The following PTPRZ1 variants were observed in gnomAD, a reference collection of about 807,000 sequenced individuals.
PTPRZ1 encodes the protein receptor-type tyrosine-protein phosphatase zeta.
A neutral mutation model predicts 214.1 loss-of-function variants in PTPRZ1; 82 were observed. That is an observed-to-expected ratio of 0.38 (90% CI 0.32 to 0.46). The LOEUF is 0.46. PTPRZ1 is among the 20% of genes least tolerant of loss of function. PTPRZ1 has a pLI of 1.00. For missense variants in PTPRZ1, 2,603 were observed against 2,748.7 expected (o/e 0.95, Z 1.19); for synonymous variants, 945 against 987.9 (o/e 0.96, Z 0.81).
chr7:122,027,927 G>A (rs1799251571), intron 13 of PTPRZ1, among the ~76,000 whole-genome samples: 2 of 152,074 alleles, frequency 1.3e-5, no homozygotes, highest in East Asian at 1.9e-4. Context: ...TCTCATTTAA[G>A]TTCTGTCACT....
In PTPRZ1 at chr7:122,010,523, G is replaced by C. The variant is rs1363244152; in HGVS notation, c.1477G>C (p.Gly493Arg). 3.1e-6 allele frequency: 5 copies of C among 1,613,730 alleles called. No homozygotes were observed. Among genetic ancestry groups the C allele is most frequent in the Non-Finnish European group, 4.2e-6 (5 of 1,179,822 alleles). Residue 493 changes from glycine to arginine, a missense_variant, in exon 12 of 30, where the codon GGT becomes CGT. Transcript: ENST00000393386. ...AAGAGGAAGTGAATTCTCTGGAAAG[G>C]GTGATGTTCCCAATACATCTTTAAA... The part of the protein sequence containing the change: ...PTRGSEFSGK[G>R]DVPNTSLNST...
At chr7:121,991,839 A>ATTT (rs1396290426) in intron 8 of PTPRZ1, among the ~76,000 whole-genome samples, 2 of 152,190 alleles carry the variant, frequency 1.3e-5, no homozygotes, top group Non-Finnish European at 2.9e-5. Flanking sequence ...TACATTCAGC[A>ATTT]TTTGTGTCAA....
chr7:121,917,414 AC>A (rs771205616), intron 1 of PTPRZ1, among the ~76,000 whole-genome samples: 7 of 152,162 alleles, frequency 4.6e-5, no homozygotes, highest in Non-Finnish European at 8.8e-5. Context: ...ACTAAAGAGC[AC>A]TTCAGACTAA....
At chr7:121,898,251 T>A (rs990497486) in intron 1 of PTPRZ1, among the ~76,000 whole-genome samples, 4 of 120,838 alleles carry the variant, frequency 3.3e-5, no homozygotes, top group African/African-American at 1.6e-4. Context: ...AATTGTAGAA[T>A]AATGTGATGG....
intron 1 of PTPRZ1, among the ~76,000 whole-genome samples, chr7:121,888,887 A>G (rs1008656215): frequency 6.6e-6 from 1 of 152,138 alleles, no homozygotes; most frequent in African/African-American, 2.4e-5. Context: ...TTATTACATA[A>G]TAGCTAAAAG....
chr7:121,910,041 A>C (rs981978128), intron 1 of PTPRZ1, among the ~76,000 whole-genome samples: 3 of 152,238 alleles, frequency 2.0e-5, no homozygotes, highest in Non-Finnish European at 4.4e-5. Context: ...AGAATGGAAG[A>C]GGCTGTCTTC....
At chr7:122,015,361 C>A (rs902167663) in intron 12 of PTPRZ1, among the ~76,000 whole-genome samples, 1 of 152,062 alleles carries the variant, frequency 6.6e-6, no homozygotes, top group Non-Finnish European at 1.5e-5. Flanking sequence ...TTCCTCTTTG[C>A]GATTTCATCT....
intron 15 of PTPRZ1, 110 bp from the exon 16 acceptor site, chr7:122,033,985 C>T: frequency 1.1e-6 from 1 of 919,688 alleles, no homozygotes; most frequent in South Asian, 1.5e-5. Context: ...GTATTTATTG[C>T]ATGATCATAG....
intron 23 of PTPRZ1, among the ~76,000 whole-genome samples, chr7:122,046,540 A>G (rs1257605722): frequency 6.6e-6 from 1 of 152,206 alleles, no homozygotes; most frequent in Non-Finnish European, 1.5e-5. Context: ...CGTAAGATAT[A>G]TTTAAGAGTT....
chr7:121,879,047 T>TCC (rs1794150803), intron 1 of PTPRZ1, among the ~76,000 whole-genome samples: 1 of 152,204 alleles, frequency 6.6e-6, no homozygotes, highest in South Asian at 2.1e-4. Flanking sequence ...TCACTGATTC[T>TCC]CCCAGAAATA....
In PTPRZ1 at chr7:121,972,712, G is replaced by C. The variant is rs758820771; in HGVS notation, c.456+20G>C. ...CTTGAGGTAAGTCAGGAGATCTGCTGTGTACTATTTTATTTTCTAAATAAT... is the reference window on the plus strand; with the variant it reads ...CTTGAGGTAAGTCAGGAGATCTGCTCTGTACTATTTTATTTTCTAAATAAT... On this transcript the variant is annotated intron_variant, in intron 4 of 29. Coordinates refer to ENST00000393386, the MANE Select transcript of PTPRZ1 (RefSeq NM_002851.3). The C allele has an allele frequency of 6.5e-7, 1 of 1,528,680 alleles. No homozygotes were observed. Among genetic ancestry groups the C allele is most frequent in the African/African-American group, 1.4e-5 (1 of 72,076 alleles). The allele number at this position is 1,528,680 out of a possible 1,614,324, so 94.7% of individuals were successfully genotyped here.
intron 23 of PTPRZ1, among the ~76,000 whole-genome samples, chr7:122,050,832 G>C (rs564308934): frequency 6.6e-6 from 1 of 151,950 alleles, no homozygotes. Flanking sequence ...TCATTTACCC[G>C]ACTGTCAAAA....
chr7:122,004,934 T>C (rs957854427), intron 11 of PTPRZ1, among the ~76,000 whole-genome samples: 3 of 152,044 alleles, frequency 2.0e-5, no homozygotes. Context: ...TAAAAATAAT[T>C]ATAGCTATGC....
At chr7:121,959,226 C>G (rs1796803423) in intron 2 of PTPRZ1, among the ~76,000 whole-genome samples, 1 of 152,152 alleles carries the variant, frequency 6.6e-6, no homozygotes, top group African/African-American at 2.4e-5. Flanking sequence ...AACCCCCTGC[C>G]AATAGCATAT....
chr7:121,984,284 TC>T (rs1797703969), intron 8 of PTPRZ1, among the ~76,000 whole-genome samples, 167 bp downstream of exon 8: 1 of 152,202 alleles, frequency 6.6e-6, no homozygotes, highest in Non-Finnish European at 1.5e-5. Context: ...AGATACCACA[TC>T]TATAAAATGG....
At chr7:122,030,668 G>A (rs573127928) in intron 14 of PTPRZ1, among the ~76,000 whole-genome samples, 1 of 152,000 alleles carries the variant, frequency 6.6e-6, no homozygotes, top group African/African-American at 2.4e-5. Flanking sequence ...AACATCTGTT[G>A]CTATAAATAA....
intron 11 of PTPRZ1, among the ~76,000 whole-genome samples, chr7:122,006,391 C>T (rs1317167545): frequency 1.3e-5 from 2 of 152,022 alleles, no homozygotes; most frequent in African/African-American, 4.8e-5. Context: ...CTGCCTGTCG[C>T]CCCCTCGCCA....
chr7:122,039,696 C>T, intron 20 of PTPRZ1, 108 bp downstream of exon 20: 1 of 1,377,456 alleles, frequency 7.3e-7, no homozygotes, highest in Non-Finnish European at 9.8e-7. Context: ...TAACTAAAGG[C>T]ATTAAAAATT....
chr7:121,889,220 A>G (rs1305551406), intron 1 of PTPRZ1, among the ~76,000 whole-genome samples: 2 of 152,170 alleles, frequency 1.3e-5, no homozygotes, highest in African/African-American at 4.8e-5. Flanking sequence ...TGGAGACGGT[A>G]TTAGTCATAA....
Sources: gnomAD v4.1 joint callset for allele counts (sites outside exome capture counted in the v4.1 genomes callset) on GRCh38, gnomAD v4.1.1 for gene constraint, MANE v1.5 for transcripts, NCBI Gene and HGNC (gene_info 2026-07-23, HGNC 2026-07-21) for gene names.